Variants in RAVER1 observed in about 807,000 individuals in gnomAD.
The protein encoded by RAVER1 is ribonucleoprotein, PTB binding 1.
In RAVER1, 36 loss-of-function variants were observed where a neutral mutation model predicts 68.4. The observed-to-expected ratio is 0.53, with a 90% CI of 0.40 to 0.70. The LOEUF is 0.70. RAVER1 is among the 30% of genes least tolerant of loss of function. The probability of loss-of-function intolerance (pLI) is 0.00; values close to 1 mark genes in which losing one functional copy is unlikely to be tolerated. For missense variants in RAVER1, 933 were observed against 1,019.8 expected (o/e 0.91, Z 1.16); for synonymous variants, 469 against 472.7 (o/e 0.99, Z 0.10).
Position 10,333,334 on chromosome 19 carries a change from G to A in RAVER1, c.174C>T (p.Arg58=). Residue 58 remains arginine, a synonymous_variant, in exon 1 of 13, where the codon CGC becomes CGT. Transcript: ENST00000617231. This position sits in a 1 kb window ranked among gnomAD's most constrained non-coding sequence, Gnocchi z 4.2. The part of the protein sequence containing the change: ...LEHTERQFRN[R]RKILIRGLPG... Reference sequence around the variant, plus strand: ...GGAGGCCCCGGATCAGTATCTTGCGGCGGTTACGGAACTGGCGCTCGGTGT... The same window carrying A: ...GGAGGCCCCGGATCAGTATCTTGCGACGGTTACGGAACTGGCGCTCGGTGT... The A allele has an allele frequency of 1.2e-6, 2 of 1,613,128 alleles. No homozygotes were observed. Among genetic ancestry groups the A allele is most frequent in the East Asian group, 2.2e-5 (1 of 44,888 alleles).
intron 1 of RAVER1, among the ~76,000 whole-genome samples, chr19:10,330,829 C>T (rs947346207): frequency 2.6e-5 from 4 of 152,170 alleles, no homozygotes; most frequent in Middle Eastern, 3.4e-3. Flanking sequence ...TTTGGGAGGC[C>T]GAGGCGGGTG....
rs2040494208 is a variant in RAVER1 at position 10,328,870 on chromosome 19, G to C, written c.528C>G (p.Gly176=). Reference sequence around the variant, plus strand: ...AGTCCTTCTTCATGTACTCAGCAAAGCCATAGCCCTTGGATTGGCCAGTGC... The same window carrying C: ...AGTCCTTCTTCATGTACTCAGCAAACCCATAGCCCTTGGATTGGCCAGTGC... ...SERTGQSKGY[G]FAEYMKKDSA... is the part of the protein sequence containing the mutation. Residue 176 remains glycine, a synonymous_variant, in exon 3 of 13, where the codon GGC becomes GGG. Transcript: ENST00000617231. The surrounding 1 kb of genome is among the most constrained non-coding windows in gnomAD (Gnocchi z 4.4). 1 of 1,613,480 alleles carries C rather than the reference G, an allele frequency of 6.2e-7. No homozygotes were observed. Among genetic ancestry groups the C allele is most frequent in the Non-Finnish European group, 8.5e-7 (1 of 1,179,858 alleles).
At position 10,329,066 on chromosome 19, in the gene RAVER1, T is replaced by C. The variant is rs539303423; in HGVS notation, c.332A>G (p.Asn111Ser). 15 of 1,519,744 alleles carry C rather than the reference T, an allele frequency of 9.9e-6. No individual in the cohort carries two copies. The African/African-American group carries it at 1.5e-4, about 15-fold the overall frequency. The allele number at this position is 1,519,744 out of a possible 1,614,324, so 94.1% of individuals were successfully genotyped here. ...LNGEQAEAAI[N>S]AFHQSRLRER... ...CCGCAGGCGGCTCTGGTGGAAAGCA[T>C]TGATTGCGGCCTCGGCCTGCTCCCC... The change falls in exon 3 of 13, where the codon AAT becomes AGT. Residue 111 changes from asparagine (N) to serine (S), a missense_variant. Physicochemically the swap from Asn to Ser is conservative, Grantham distance 46. Coordinates refer to ENST00000617231, the MANE Select transcript of RAVER1 (RefSeq NM_133452.3). The surrounding 1 kb of genome is among the most constrained non-coding windows in gnomAD (Gnocchi z 4.6).
At position 10,318,223 on chromosome 19, in the gene RAVER1, C is replaced by T. The variant is rs892850436; in HGVS notation, c.1989+6G>A. 1.2e-5 allele frequency: 19 copies of T among 1,601,182 alleles called. No individual in the cohort carries two copies. The highest frequency in any genetic ancestry group is 5.4e-5 in the African/African-American group (4 of 74,618). On this transcript the variant is annotated splice_donor_region_variant and intron_variant, in intron 11 of 12. Coordinates refer to ENST00000617231, the MANE Select transcript of RAVER1 (RefSeq NM_133452.3). Reference sequence around the variant, plus strand: ...GGGCCTGTGCTTGGCCAGAGAGGTTCCTCACCTTACTGAGGTGGCTCTGCT... The same window carrying T: ...GGGCCTGTGCTTGGCCAGAGAGGTTTCTCACCTTACTGAGGTGGCTCTGCT...
chr19:10,330,173 C>T (rs911372025), intron 2 of RAVER1, among the ~76,000 whole-genome samples: 11 of 151,202 alleles, frequency 7.3e-5, no homozygotes, highest in Non-Finnish European at 1.3e-4. Context: ...CTGAGTGAGG[C>T]AAGAGGGGTA....
In RAVER1 at chr19:10,328,751, G is replaced by A. The variant is rs939136364; in HGVS notation, c.647C>T (p.Ala216Val). 6.2e-7 allele frequency: 1 copy of A among 1,612,676 alleles called. No homozygotes were observed. The highest frequency in any genetic ancestry group is 1.3e-5 in the African/African-American group (1 of 74,922). ...ACAGAGGCAGCGGGAGTGGAGAAGG[G>A]CAGGCGTCAGTTGCCCGGCATCCGT... is the stretch of plus-strand genomic sequence containing the variant. ...HWTDAGQLTP[A>V]LLHSRCLCVD... The change falls in exon 3 of 13, where the codon GCC becomes GTC. Residue 216 changes from alanine (A) to valine (V), a missense_variant. Ala to Val is a moderately conservative substitution (Grantham distance 64, BLOSUM62 0). Coordinates refer to ENST00000617231, the MANE Select transcript of RAVER1 (RefSeq NM_133452.3). The surrounding 1 kb of genome is among the most constrained non-coding windows in gnomAD (Gnocchi z 4.4).
At position 10,323,637 on chromosome 19, in the gene RAVER1, C is replaced by T. The variant is rs1311240755; in HGVS notation, c.757-71G>A. 4.0e-5 allele frequency: 59 copies of T among 1,485,102 alleles called. 1 individual carries two copies. In the East Asian group the frequency reaches 1.1e-3, roughly 27 times the overall value. The allele number at this position is 1,485,102 out of a possible 1,614,324, so 92.0% of individuals were successfully genotyped here. A position where few individuals can be genotyped will look rare whatever the true frequency, so the allele number is the denominator to read the frequency against. ...CTGCACCACCCCGGGAAGTGACAAC[C>T]GTAACCAGACTCAGCTGCCCCATAA... On this transcript the variant is annotated intron_variant, in intron 3 of 12. Transcript: ENST00000617231. This position sits in a 1 kb window ranked among gnomAD's most constrained non-coding sequence, Gnocchi z 6.2.
In RAVER1 at chr19:10,319,052, C is replaced by A; in HGVS notation, c.1845+114G>T. On this transcript the variant is annotated intron_variant, in intron 10 of 12. Transcript: ENST00000617231. ...ACAGTGAGATCCTGTCTTAAAAAAA[C>A]CCACAAAGAACACACAAAATACAAG... is the stretch of plus-strand genomic sequence containing the variant. 4 of 990,462 alleles carry A rather than the reference C, an allele frequency of 4.0e-6. No individual in the cohort carries two copies. The South Asian group carries it at 6.0e-5, about 15-fold the overall frequency. The allele number at this position is 990,462 out of a possible 1,614,324, so 61.4% of individuals were successfully genotyped here. A position where few individuals can be genotyped will look rare whatever the true frequency, so the allele number is the denominator to read the frequency against.
In RAVER1 at chr19:10,323,887, A is replaced by G. The variant is rs1599301827; in HGVS notation, c.757-321T>C. 2.0e-5 allele frequency among the ~76,000 whole-genome samples: 3 copies of G among 152,220 alleles called. No homozygotes were observed. On this transcript the variant is annotated intron_variant, in intron 3 of 12. Transcript: ENST00000617231. The surrounding 1 kb of genome is among the most constrained non-coding windows in gnomAD (Gnocchi z 6.2). The stretch of plus-strand genomic sequence containing the variant: ...GCCACGGGCGGATGCGGTGGCTCAC[A>G]CCTGTAATCCCAGCACTTTGGGAGG...
Position 10,333,031 on chromosome 19 carries a change from G to T in RAVER1, c.219+258C>A, listed in dbSNP as rs969418692. Among the ~76,000 whole-genome samples, 1 of 150,922 alleles carries T rather than the reference G, an allele frequency of 6.6e-6. No homozygotes were observed. Among genetic ancestry groups the T allele is most frequent in the East Asian group, 1.9e-4 (1 of 5,146 alleles). ...AGCTGTCCGCCCCCTTCCATTCCCC[G>T]CCCGCTTCCATCACTTGGTGTCGCC... is the stretch of plus-strand genomic sequence containing the variant. On this transcript the variant is annotated intron_variant, in intron 1 of 12. Transcript: ENST00000617231. This position sits in a 1 kb window ranked among gnomAD's most constrained non-coding sequence, Gnocchi z 4.2.
At position 10,328,843 on chromosome 19, in the gene RAVER1, C is replaced by T. The variant is rs772444501; in HGVS notation, c.555G>A (p.Ser185=). 9.9e-6 allele frequency: 16 copies of T among 1,613,242 alleles called. No homozygotes were observed. The highest frequency in any genetic ancestry group is 2.2e-5 in the East Asian group (1 of 44,890). ...YGFAEYMKKD[S]AARAKSDLLG... The stretch of plus-strand genomic sequence containing the variant: ...GCAGGTCCGACTTGGCACGGGCAGC[C>T]GAGTCCTTCTTCATGTACTCAGCAA... The change falls in exon 3 of 13, where the codon TCG becomes TCA. Residue 185 remains serine (S), a synonymous_variant. Transcript: ENST00000617231. The surrounding 1 kb of genome is among the most constrained non-coding windows in gnomAD (Gnocchi z 4.4).
chr19:10,319,169 G>T lies in RAVER1; in HGVS notation c.1842C>A (p.His614Gln). The change falls in exon 10 of 13, where the codon CAC becomes CAA. Residue 614 changes from histidine to glutamine, a missense_variant. Coordinates refer to ENST00000617231, the MANE Select transcript of RAVER1 (RefSeq NM_133452.3). ...PALGPHGPSR[H>Q]KMSPPPSGFG... ...TGCCATACCAGGTGGCTCTTACCTTGTGTCGGCTGGGTCCGTGAGGCCCAA... is the reference window on the plus strand; with the variant it reads ...TGCCATACCAGGTGGCTCTTACCTTTTGTCGGCTGGGTCCGTGAGGCCCAA... 6.2e-7 allele frequency: 1 copy of T among 1,613,826 alleles called. No individual in the cohort carries two copies. The highest frequency in any genetic ancestry group is 8.5e-7 in the Non-Finnish European group (1 of 1,179,742).
chr19:10,329,580 G>A lies in RAVER1; in HGVS notation c.287-469C>T, dbSNP rs2040499316. Among the ~76,000 whole-genome samples the A allele has an allele frequency of 6.6e-6, 1 of 152,110 alleles. No individual in the cohort carries two copies. The highest frequency in any genetic ancestry group is 2.1e-4 in the South Asian group (1 of 4,824). On this transcript the variant is annotated intron_variant, in intron 2 of 12. Coordinates refer to ENST00000617231, the MANE Select transcript of RAVER1 (RefSeq NM_133452.3). The surrounding 1 kb of genome is among the most constrained non-coding windows in gnomAD (Gnocchi z 4.6). ...GCAGCACCCCTGTGCCCCGAGTAGG[G>A]GAGCCTGGACTTGAACCCAGGCAGC...
intron 2 of RAVER1, among the ~76,000 whole-genome samples, chr19:10,330,209 C>T (rs1157628938): frequency 6.6e-6 from 1 of 151,952 alleles, no homozygotes; most frequent in Non-Finnish European, 1.5e-5. Context: ...CACGGCCAAA[C>T]GTTGTCAAGA....
chr19:10,329,500 G>A lies in RAVER1; in HGVS notation c.287-389C>T, dbSNP rs971279503. On this transcript the variant is annotated intron_variant, in intron 2 of 12. Transcript: ENST00000617231. The surrounding 1 kb of genome is among the most constrained non-coding windows in gnomAD (Gnocchi z 4.6). ...GTATCAGTTTCCTCATCTCTCAAAT[G>A]GATATAACTTAATCATCACAATCAC... Among the ~76,000 whole-genome samples, 9 of 152,142 alleles carry A rather than the reference G, an allele frequency of 5.9e-5. No individual in the cohort carries two copies. The highest frequency in any genetic ancestry group is 2.1e-4 in the South Asian group (1 of 4,826).
chr19:10,318,066 G>A (rs1056758230), intron 11 of RAVER1, among the ~76,000 whole-genome samples, 163 bp downstream of exon 11: 4 of 152,210 alleles, frequency 2.6e-5, no homozygotes, highest in African/African-American at 9.6e-5. Flanking sequence ...ATGCAGAGTG[G>A]ATGGAGGACA....
At chr19:10,331,072 G>A (rs1175210018) in intron 1 of RAVER1, among the ~76,000 whole-genome samples, 5 of 151,054 alleles carry the variant, frequency 3.3e-5, no homozygotes, top group Non-Finnish European at 7.4e-5. Flanking sequence ...CAACAAGGCC[G>A]GGCGCGGTGG....
rs1857455698 is a variant in RAVER1, at chr19:10,316,716, T to A, written c.*738A>T. ...ATCCTGGGTAGGGTGGCCCAATCCC[T>A]AGGCCAGAGCTGTTTGGTCCATAGT... On this transcript the variant is annotated 3_prime_UTR_variant, in exon 13 of 13. Transcript: ENST00000617231. The A allele has an allele frequency of 4.0e-6, 1 of 249,828 alleles. No homozygotes were observed. 15.5% of individuals were successfully genotyped at this position (249,828 alleles called of 1,614,324 possible).
chr19:10,330,358 C>G (rs1030016785), intron 2 of RAVER1, 102 bp downstream of exon 2: 2 of 629,600 alleles, frequency 3.2e-6, no homozygotes, highest in African/African-American at 3.7e-5. Context: ...GCCTGGGGGG[C>G]AATACTGGGC....
Sources: gnomAD v4.1 joint callset for allele counts (sites outside exome capture counted in the v4.1 genomes callset) on GRCh38, gnomAD v4.1.1 for gene constraint, Gnocchi (gnomAD v3.1) non-coding constraint, MANE v1.5 for transcripts, NCBI Gene and HGNC (gene_info 2026-07-23, HGNC 2026-07-21) for gene names.